The following CCNK variants were observed in gnomAD, a reference collection of about 807,000 sequenced individuals.
The protein encoded by CCNK is cyclin K, also known as cyclin-K.
Under a neutral mutation model 65.0 loss-of-function variants are expected in CCNK, and 9 were observed. The ratio of observed to expected loss-of-function variants is 0.14; its 90% confidence interval spans 0.08 to 0.24. The LOEUF is 0.24. CCNK is among the 10% of genes least tolerant of loss of function. The pLI is 1.00. For missense variants in CCNK, 474 were observed against 720.0 expected (o/e 0.66, Z 3.91); for synonymous variants, 279 against 270.8 (o/e 1.03, Z -0.30).
At chr14:99,500,299 C>A (rs1490118084) in intron 4 of CCNK, 5 of 181,804 alleles carry the variant, frequency 2.8e-5, no homozygotes, top group Admixed American at 2.2e-4. Context: ...TATACACACA[C>A]ATACACACAC....
chr14:99,509,245 C>G (rs1432110056), intron 10 of CCNK: 1 of 152,298 alleles, frequency 6.6e-6, no homozygotes, highest in East Asian at 1.9e-4. Flanking sequence ...TGGTCTGTCT[C>G]CTGGGCTGCC....
chr14:99,495,421 C>T lies in CCNK; in HGVS notation c.280-77C>T, dbSNP rs928747819. ...GGGAATGAGGAAGACCAGTTTATTA[C>T]GAAGGCCAAAATTTATTGTATCTAT... On this transcript the variant is annotated intron_variant, in intron 3 of 10. Transcript: ENST00000389879. 14 of 1,400,644 alleles carry T rather than the reference C, an allele frequency of 1.0e-5. No individual in the cohort carries two copies. In the South Asian group the frequency reaches 1.2e-4, roughly 12 times the overall value. The allele number at this position is 1,400,644 out of a possible 1,614,324, so 86.8% of individuals were successfully genotyped here.
At chr14:99,509,527 ACATG>A (rs764800118) in intron 10 of CCNK, 1 of 153,214 alleles carries the variant, frequency 6.5e-6, no homozygotes, top group Non-Finnish European at 1.4e-5. Flanking sequence ...GCACGCACAG[ACATG>A]CAGCACGCAC....
intron 5 of CCNK, 162 bp from the exon 6 acceptor site, chr14:99,501,194 G>T: frequency 1.6e-6 from 1 of 626,544 alleles, no homozygotes; most frequent in Non-Finnish European, 2.8e-6. Flanking sequence ...AGGAAGAAGG[G>T]GTAGGATGTG....
intron 4 of CCNK, among the ~76,000 whole-genome samples, chr14:99,497,627 T>C (rs1302933906): frequency 6.6e-6 from 1 of 152,230 alleles, no homozygotes; most frequent in Non-Finnish European, 1.5e-5. Context: ...CCATTCATGG[T>C]GTTGTTTTTC....
chr14:99,487,689 T>C (rs1485088936), intron 1 of CCNK, among the ~76,000 whole-genome samples: 3 of 152,226 alleles, frequency 2.0e-5, no homozygotes, highest in Non-Finnish European at 4.4e-5. Context: ...TTTGGGAGGA[T>C]AGTCACTAGG....
At chr14:99,510,055 G>C (rs1393218786) in intron 10 of CCNK, 102 bp from the exon 11 acceptor site, 1 of 1,203,808 alleles carries the variant, frequency 8.3e-7, no homozygotes, top group East Asian at 2.6e-5. Flanking sequence ...GCGGGCAGCT[G>C]CTCCCTGCTC....
chr14:99,495,314 A>C (rs1159839712), intron 3 of CCNK, 184 bp from the exon 4 acceptor site: 2 of 350,588 alleles, frequency 5.7e-6, no homozygotes, highest in Non-Finnish European at 1.0e-5. Flanking sequence ...ATGAAGCTAG[A>C]GTTTGGGGGA....
intron 8 of CCNK, 178 bp downstream of exon 8, chr14:99,503,162 A>T: frequency 1.3e-6 from 1 of 764,442 alleles, no homozygotes; most frequent in South Asian, 1.5e-5. Flanking sequence ...CTCCAAGGAC[A>T]GGCTGCCTCT....
Position 99,510,142 on chromosome 14 carries a change from GTC to G in CCNK, c.1118-8_1118-7del. The G allele has an allele frequency of 6.3e-7, 1 of 1,589,034 alleles. No individual in the cohort carries two copies. Among genetic ancestry groups the G allele is most frequent in the Non-Finnish European group, 8.5e-7 (1 of 1,172,030 alleles). On this transcript the variant is annotated splice_polypyrimidine_tract_variant and intron_variant, in intron 10 of 10. Transcript: ENST00000389879. ...GCTGGCGGAGGCCGGGCACTGATGCGTCTCTCTCCTGCAGACCGGAAGCCTCC... is the reference window on the plus strand; with the variant it reads ...GCTGGCGGAGGCCGGGCACTGATGCGTCTCTCCTGCAGACCGGAAGCCTCC...
At chr14:99,500,921 T>C (rs1463392058) in intron 5 of CCNK, 50 bp downstream of exon 5, 9 of 1,135,060 alleles carry the variant, frequency 7.9e-6, no homozygotes. Flanking sequence ...ATCAAGTCTT[T>C]ATAATTTGAT....
intron 6 of CCNK, chr14:99,501,707 C>T (rs965008049): frequency 2.8e-6 from 1 of 361,562 alleles, no homozygotes; most frequent in African/African-American, 2.1e-5. Context: ...ACTTAGAGCC[C>T]ATTTGGTTTT....
intron 4 of CCNK, among the ~76,000 whole-genome samples, chr14:99,496,125 C>T (rs774571271): frequency 3.9e-5 from 6 of 152,148 alleles, no homozygotes; most frequent in African/African-American, 1.4e-4. Context: ...CTATCTTTTC[C>T]ATACAGCTCA....
chr14:99,506,786 A>T (rs867767881), intron 9 of CCNK: 1 of 406,730 alleles, frequency 2.5e-6, no homozygotes, highest in African/African-American at 2.0e-5. Flanking sequence ...TGCTGGTCTC[A>T]CATGGTCGGA....
intron 1 of CCNK, among the ~76,000 whole-genome samples, chr14:99,482,057 A>G (rs2139841692): frequency 6.6e-6 from 1 of 152,296 alleles, no homozygotes; most frequent in East Asian, 1.9e-4. Flanking sequence ...TTATGAGAGA[A>G]ATTGTTCTTT....
intron 3 of CCNK, chr14:99,495,021 T>C (rs1896671209): frequency 6.5e-6 from 1 of 152,732 alleles, no homozygotes; most frequent in African/African-American, 2.4e-5. Flanking sequence ...GACATAAACA[T>C]TCAGACCATA....
chr14:99,482,858 ACT>A (rs3918043), intron 1 of CCNK, among the ~76,000 whole-genome samples: 63,993 of 151,818 alleles, frequency 0.42, 13,923 homozygotes, highest in East Asian at 0.56. Context: ...GAAAGCAGTG[ACT>A]CTGCTGAGTG....
chr14:99,493,239 C>T (rs556686877), intron 2 of CCNK: 1 of 461,250 alleles, frequency 2.2e-6, no homozygotes, highest in African/African-American at 2.0e-5. Flanking sequence ...GATCACACCA[C>T]TGCACTCTAG....
chr14:99,495,669 C>G (rs1896686048), intron 4 of CCNK, 40 bp downstream of exon 4: 1 of 1,576,860 alleles, frequency 6.3e-7, no homozygotes, highest in African/African-American at 1.4e-5. Context: ...GGTCTTGATT[C>G]CTTATGGTAG....
Sources: gnomAD v4.1 joint callset for allele counts (sites outside exome capture counted in the v4.1 genomes callset) on GRCh38, gnomAD v4.1.1 for gene constraint, MANE v1.5 for transcripts, NCBI Gene and HGNC (gene_info 2026-07-23, HGNC 2026-07-21) for gene names.